The following RBFOX1 variants were observed in gnomAD, a reference collection of about 807,000 sequenced individuals.
RBFOX1 encodes RNA binding fox-1 homolog 1.
In RBFOX1, 8 loss-of-function variants were observed where a neutral mutation model predicts 57.7. The ratio of observed to expected loss-of-function variants is 0.14; its 90% confidence interval spans 0.08 to 0.25. The LOEUF (loss-of-function observed/expected upper bound fraction) is 0.25. Ranked by LOEUF, RBFOX1 falls within the 10% of genes least tolerant of loss-of-function variation. RBFOX1 has a pLI of 1.00. For synonymous variants in RBFOX1, 326 were observed against 222.4 expected, an observed-to-expected ratio of 1.47 and a Z score of -4.15; for missense variants, 611 against 548.5, an observed-to-expected ratio of 1.11 and a Z score of -1.14.
chr16:7,682,618 A>C (rs1052287374), intron 14 of RBFOX1, among the ~76,000 whole-genome samples: 2 of 151,556 alleles, frequency 1.3e-5, no homozygotes, highest in Non-Finnish European at 2.9e-5. Flanking sequence ...TTTTTTTAAA[A>C]AAAAGATGAT....
intron 4 of RBFOX1, among the ~76,000 whole-genome samples, chr16:7,272,226 C>T (rs2095336018): frequency 6.6e-6 from 1 of 152,134 alleles, no homozygotes; most frequent in South Asian, 2.1e-4. Flanking sequence ...CTCTGTCATC[C>T]AGAGCTGGAG....
chr16:5,706,371 C>G (rs975475598), intron 3 of RBFOX1, among the ~76,000 whole-genome samples: 2 of 152,158 alleles, frequency 1.3e-5, no homozygotes, highest in East Asian at 1.9e-4. Context: ...TTCAAGGTGT[C>G]GATTGCCCCG....
At chr16:5,399,005 G>T (rs2066639957) in intron 1 of RBFOX1, among the ~76,000 whole-genome samples, 1 of 152,130 alleles carries the variant, frequency 6.6e-6, no homozygotes, top group South Asian at 2.1e-4. Flanking sequence ...CGCATTTGAG[G>T]GCCGCAGTGA....
intron 4 of RBFOX1, among the ~76,000 whole-genome samples, chr16:7,510,608 C>G (rs1311042921): frequency 6.6e-6 from 1 of 152,086 alleles, no homozygotes; most frequent in East Asian, 1.9e-4. Context: ...TTGCATTTTT[C>G]TTCTTTGTTT....
At chr16:7,214,005 G>A (rs372650202) in intron 4 of RBFOX1, among the ~76,000 whole-genome samples, 54 of 152,194 alleles carry the variant, frequency 3.5e-4, no homozygotes, top group African/African-American at 1.2e-3. Context: ...GATGGAGCAG[G>A]TGGGAAGGAA....
chr16:5,252,604 G>A lies in RBFOX1; in HGVS notation c.219+12499G>A, dbSNP rs374878701. 3.9e-5 allele frequency among the ~76,000 whole-genome samples: 6 copies of A among 152,154 alleles called. No individual in the cohort carries two copies. The East Asian group carries it at 9.7e-4, about 24-fold the overall frequency. ...TGTGGGGTTGGACACTTCAGCCCCA[G>A]GGGCCTGGGCAGCACTGTCCAGCAC... is the stretch of plus-strand genomic sequence containing the variant. On this transcript the variant is annotated intron_variant, in intron 1 of 2. Transcript: ENST00000585867.
At chr16:6,261,518 G>A (rs2097701352) in intron 1 of RBFOX1, among the ~76,000 whole-genome samples, 1 of 152,186 alleles carries the variant, frequency 6.6e-6, no homozygotes, top group Non-Finnish European at 1.5e-5. Context: ...AACAGAAACA[G>A]GCTGCTGAGC....
chr16:5,856,555 G>A (rs1406263888), intron 3 of RBFOX1, among the ~76,000 whole-genome samples: 17 of 58,088 alleles, frequency 2.9e-4, no homozygotes, highest in African/African-American at 6.2e-4. Context: ...GTGTGTGTGT[G>A]TGTGTGTATG....
intron 4 of RBFOX1, among the ~76,000 whole-genome samples, chr16:7,225,565 G>T (rs1357984688): frequency 6.6e-6 from 1 of 151,734 alleles, no homozygotes; most frequent in African/African-American, 2.4e-5. Flanking sequence ...CATGAAAGTA[G>T]ACTAATACAG....
At chr16:6,430,299 A>T (rs1029761029) in intron 2 of RBFOX1, among the ~76,000 whole-genome samples, 5 of 152,080 alleles carry the variant, frequency 3.3e-5, no homozygotes, top group Non-Finnish European at 7.4e-5. Flanking sequence ...TCTCCTCTTG[A>T]GGAGCTCAGA....
At chr16:5,559,332 T>C (rs183110025) in intron 2 of RBFOX1, among the ~76,000 whole-genome samples, 137 of 152,290 alleles carry the variant, frequency 9.0e-4, no homozygotes, top group African/African-American at 3.2e-3. Flanking sequence ...TTAAGGATCA[T>C]AGTAAACATT....
At chr16:6,228,906 C>G (rs537046757) in intron 1 of RBFOX1, among the ~76,000 whole-genome samples, 1 of 152,122 alleles carries the variant, frequency 6.6e-6, no homozygotes, top group Non-Finnish European at 1.5e-5. Flanking sequence ...ACCTGATAAA[C>G]ATATATAATT....
chr16:6,462,240 C>G (rs142966253), intron 2 of RBFOX1, among the ~76,000 whole-genome samples: 2 of 152,322 alleles, frequency 1.3e-5, no homozygotes, highest in African/African-American at 2.4e-5. Flanking sequence ...CAGTCTCACT[C>G]TGGGAGGGGC....
intron 3 of RBFOX1, among the ~76,000 whole-genome samples, chr16:5,695,909 C>T (rs1053192781): frequency 3.9e-5 from 6 of 152,088 alleles, no homozygotes; most frequent in African/African-American, 1.4e-4. Flanking sequence ...TGTTGTACCT[C>T]TTAAATATAT....
chr16:6,399,267 G>A (rs1168546677), intron 2 of RBFOX1, among the ~76,000 whole-genome samples: 5 of 152,238 alleles, frequency 3.3e-5, no homozygotes, highest in Admixed American at 3.3e-4. Context: ...CCTGTGATGG[G>A]AGGGGCTGCC....
At chr16:6,385,935 CT>C (rs1289248318) in intron 2 of RBFOX1, among the ~76,000 whole-genome samples, 2 of 54,216 alleles carry the variant, frequency 3.7e-5, no homozygotes, top group Non-Finnish European at 8.9e-5. Context: ...TCTTTTTTTT[CT>C]TTCTTTTTTT....
At chr16:7,436,974 A>C (rs988475722) in intron 4 of RBFOX1, among the ~76,000 whole-genome samples, 12 of 152,176 alleles carry the variant, frequency 7.9e-5, no homozygotes, top group Non-Finnish European at 5.9e-5. Flanking sequence ...CGAGCTACTC[A>C]GGAAGCTGAG....
At chr16:6,803,053 T>G (rs1359725770) in intron 3 of RBFOX1, among the ~76,000 whole-genome samples, 1 of 152,170 alleles carries the variant, frequency 6.6e-6, no homozygotes, top group Non-Finnish European at 1.5e-5. Flanking sequence ...TCCATTGAAC[T>G]CAAAATGTTA....
intron 3 of RBFOX1, among the ~76,000 whole-genome samples, chr16:6,930,019 C>T (rs565780518): frequency 6.6e-6 from 1 of 152,292 alleles, no homozygotes; most frequent in South Asian, 2.1e-4. Context: ...AGATCTCTCT[C>T]TTCTCTCCAC....
Sources: gnomAD v4.1 joint callset for allele counts (sites outside exome capture counted in the v4.1 genomes callset) on GRCh38, gnomAD v4.1.1 for gene constraint, MANE v1.5 for transcripts, NCBI Gene and HGNC (gene_info 2026-07-23, HGNC 2026-07-21) for gene names.